PLCH1: variants seen among roughly 807,000 people sequenced by gnomAD.
PLCH1 encodes 1-phosphatidylinositol 4,5-bisphosphate phosphodiesterase eta-1.
PLCH1 carries 60 observed loss-of-function variants against 126.7 expected under a neutral mutation model. The observed-to-expected ratio is 0.47, with a 90% CI of 0.38 to 0.59. The LOEUF (loss-of-function observed/expected upper bound fraction) is 0.59. Among genes scored for constraint, PLCH1 ranks in the 20% least tolerant of loss-of-function variants. PLCH1 has a pLI of 0.00. For synonymous variants in PLCH1, 719 were observed against 734.9 expected, an observed-to-expected ratio of 0.98 and a Z score of 0.35; for missense variants, 1,723 against 2,040.0, an observed-to-expected ratio of 0.84 and a Z score of 2.99.
chr3:155,587,947 A>T (rs1731601022), intron 4 of PLCH1, among the ~76,000 whole-genome samples: 1 of 152,232 alleles, frequency 6.6e-6, no homozygotes, highest in Non-Finnish European at 1.5e-5. Flanking sequence ...AAGGTGATAG[A>T]TAGAAAGAAA....
At chr3:155,565,739 A>G (rs973545835) in intron 7 of PLCH1, among the ~76,000 whole-genome samples, 1 of 148,014 alleles carries the variant, frequency 6.8e-6, no homozygotes, top group African/African-American at 2.5e-5. Flanking sequence ...TTTGTCGCCC[A>G]GGCTGGAGTG....
At chr3:155,470,338 G>A (rs1289139078) in intron 21 of PLCH1, among the ~76,000 whole-genome samples, 2 of 152,124 alleles carry the variant, frequency 1.3e-5, no homozygotes, top group African/African-American at 4.8e-5. Context: ...GATAGAAGAT[G>A]AAATGAATGA....
intron 21 of PLCH1, among the ~76,000 whole-genome samples, chr3:155,460,521 G>A (rs888142497): frequency 1.3e-5 from 2 of 152,114 alleles, no homozygotes; most frequent in Non-Finnish European, 2.9e-5. Context: ...ATACTTAGAA[G>A]TTGGCCCTTA....
chr3:155,719,074 T>G (rs1013528905), intron 1 of PLCH1, among the ~76,000 whole-genome samples: 3 of 152,178 alleles, frequency 2.0e-5, no homozygotes, highest in Admixed American at 6.5e-5. Flanking sequence ...GAATCAGTTC[T>G]TTAGTGGTGA....
chr3:155,597,391 T>C (rs527428005), intron 2 of PLCH1, among the ~76,000 whole-genome samples: 63 of 152,230 alleles, frequency 4.1e-4, no homozygotes, highest in Non-Finnish European at 7.8e-4. Context: ...TGATCCCATT[T>C]TCCCCTTGAT....
chr3:155,469,531 G>T (rs1277368638), intron 21 of PLCH1, among the ~76,000 whole-genome samples: 18 of 152,348 alleles, frequency 1.2e-4, no homozygotes, highest in African/African-American at 3.8e-4. Context: ...GCTTGCTTAG[G>T]TAAACAAAGC....
chr3:155,538,710 A>G (rs1481423340), intron 10 of PLCH1, among the ~76,000 whole-genome samples: 3 of 152,106 alleles, frequency 2.0e-5, no homozygotes, highest in African/African-American at 7.2e-5. Context: ...AAGAAACAGA[A>G]ACTCTGAACA....
intron 22 of PLCH1, chr3:155,483,253 A>G (rs1455249069): frequency 2.1e-6 from 2 of 956,116 alleles, no homozygotes; most frequent in Non-Finnish European, 3.1e-6. Flanking sequence ...ATTTCACTGG[A>G]GCTTCCCTTT....
intron 9 of PLCH1, among the ~76,000 whole-genome samples, 176 bp downstream of exon 9, chr3:155,553,900 C>T (rs568286093): frequency 6.6e-6 from 1 of 152,280 alleles, no homozygotes; most frequent in South Asian, 2.1e-4. Context: ...AAAGTACAAA[C>T]GGGAAGGCCA....
In PLCH1 at chr3:155,549,871, G is replaced by A. The variant is rs766864192; in HGVS notation, c.1278C>T (p.Asp426=). The change falls in exon 10 of 23, where the codon GAC becomes GAT. Residue 426 remains aspartate (D), a synonymous_variant. Transcript: ENST00000460012. ...TATCAACAGATGACAGGTCCAGTTTGTCTCCGAATATTCCTTTCAGGTACT... is the reference window on the plus strand; with the variant it reads ...TATCAACAGATGACAGGTCCAGTTTATCTCCGAATATTCCTTTCAGGTACT... The part of the protein sequence containing the change: ...IAQYLKGIFG[D]KLDLSSVDTG... 1.9e-6 allele frequency: 3 copies of A among 1,613,726 alleles called. No individual in the cohort carries two copies. Among genetic ancestry groups the A allele is most frequent in the South Asian group, 1.1e-5 (1 of 91,074 alleles).
Position 155,669,196 on chromosome 3 carries a change from T to C in PLCH1, c.79+34950A>G, listed in dbSNP as rs187795454. Among the ~76,000 whole-genome samples, 15 of 149,012 alleles carry C rather than the reference T, an allele frequency of 1.0e-4. No individual in the cohort carries two copies. The East Asian group carries it at 2.5e-3, about 25-fold the overall frequency. On this transcript the variant is annotated intron_variant, in intron 2 of 22. Transcript: ENST00000460012. ...TACATTTGTGGTCAAAAACAGTAAG[T>C]AGTAATGAGAGAATATGAAATAAGT...
intron 1 of PLCH1, among the ~76,000 whole-genome samples, chr3:155,735,701 A>G (rs2109196218): frequency 6.6e-6 from 1 of 152,278 alleles, no homozygotes; most frequent in East Asian, 1.9e-4. Flanking sequence ...AAAAGATAAA[A>G]AAAGTATGTG....
Position 155,481,653 on chromosome 3 carries a change from T to G in PLCH1, c.4373A>C (p.Gln1458Pro), listed in dbSNP as rs750889877. Residue 1458 changes from glutamine to proline, a missense_variant, in exon 23 of 23, where the codon CAA becomes CCA. Coordinates refer to ENST00000460012, the MANE Select transcript of PLCH1 (RefSeq NM_014996.4). The surrounding 1 kb of genome is among the most constrained non-coding windows in gnomAD (Gnocchi z 4.2). Reference protein sequence around the residue: ...QTCVPQQSSAQDMHVPVPKQL... With the variant: ...QTCVPQQSSAPDMHVPVPKQL... ...CTTGGGTACAGGGACATGCATATCTTGAGCACTAGATTGCTGGGGCACACA... is the reference window on the plus strand; with the variant it reads ...CTTGGGTACAGGGACATGCATATCTGGAGCACTAGATTGCTGGGGCACACA... 7 of 1,614,006 alleles carry G rather than the reference T, an allele frequency of 4.3e-6. No individual in the cohort carries two copies. The East Asian group carries it at 1.6e-4, about 36-fold the overall frequency.
chr3:155,466,189 C>T (rs114588487), intron 21 of PLCH1, among the ~76,000 whole-genome samples: 3,209 of 152,294 alleles, frequency 0.021, 122 homozygotes, highest in African/African-American at 0.073. Flanking sequence ...TGAGACTCAG[C>T]ACTGTGCAGG....
chr3:155,699,849 C>CACA (rs1553760147), intron 2 of PLCH1, among the ~76,000 whole-genome samples: 2 of 145,508 alleles, frequency 1.4e-5, no homozygotes, highest in African/African-American at 2.7e-5. Context: ...CACACACACA[C>CACA]CACTACCTCT....
At chr3:155,505,190 T>C (rs1718473580) in intron 12 of PLCH1, among the ~76,000 whole-genome samples, 1 of 152,106 alleles carries the variant, frequency 6.6e-6, no homozygotes, top group South Asian at 2.1e-4. Context: ...CCAAGCAAAG[T>C]TTATGTGTTC....
chr3:155,731,434 T>C (rs150931061), intron 1 of PLCH1, among the ~76,000 whole-genome samples: 2 of 152,298 alleles, frequency 1.3e-5, no homozygotes, highest in African/African-American at 2.4e-5. Context: ...TCCACGCCAG[T>C]GGATCCAAGC....
chr3:155,530,714 C>A (rs1281642171), intron 10 of PLCH1, among the ~76,000 whole-genome samples: 1 of 152,014 alleles, frequency 6.6e-6, no homozygotes, highest in Non-Finnish European at 1.5e-5. Flanking sequence ...ATCTGTTGAC[C>A]TCCTCAAAAA....
intron 2 of PLCH1, among the ~76,000 whole-genome samples, chr3:155,695,436 T>C (rs1745720721): frequency 1.3e-5 from 2 of 152,244 alleles, no homozygotes; most frequent in Non-Finnish European, 2.9e-5. Flanking sequence ...GTCAGAGAAC[T>C]GATGCATTTC....
Sources: allele counts gnomAD v4.1 joint callset (sites outside exome capture counted in the v4.1 genomes callset), GRCh38; gene constraint gnomAD v4.1.1; non-coding constraint Gnocchi (gnomAD v3.1); transcripts MANE v1.5; gene names NCBI Gene and HGNC (gene_info 2026-07-23, HGNC 2026-07-21).